PTPRA: variants seen among roughly 807,000 people sequenced by gnomAD.
PTPRA encodes protein tyrosine phosphatase receptor type A.
In PTPRA, 25 loss-of-function variants were observed where a neutral mutation model predicts 104.8. The ratio of observed to expected loss-of-function variants is 0.24; its 90% CI spans 0.17 to 0.33. The LOEUF is 0.33. Among genes scored for constraint, PTPRA ranks in the 10% least tolerant of loss-of-function variants. The pLI is 1.00. For missense variants in PTPRA, 765 were observed against 1,015.3 expected (o/e 0.75, Z 3.35); for synonymous variants, 323 against 368.9 (o/e 0.88, Z 1.43).
chr20:2,887,073 G>A (rs1403241463), intron 1 of PTPRA, among the ~76,000 whole-genome samples: 1 of 151,956 alleles, frequency 6.6e-6, no homozygotes, highest in Non-Finnish European at 1.5e-5. Context: ...GGTTATGATA[G>A]CATTAAAACT....
Position 3,037,238 on chromosome 20 carries a change from C to T in PTPRA, c.2283C>T (p.Phe761=). The T allele has an allele frequency of 6.2e-7, 1 of 1,614,264 alleles. No homozygotes were observed. Among genetic ancestry groups the T allele is most frequent in the Non-Finnish European group, 8.5e-7 (1 of 1,180,044 alleles). Residue 761 remains phenylalanine (F), a synonymous_variant, in exon 23 of 24, where the codon TTC becomes TTT. Coordinates refer to ENST00000399903, the MANE Select transcript of PTPRA (RefSeq NM_001385305.1). This position sits in a 1 kb window ranked among gnomAD's most constrained non-coding sequence, Gnocchi z 4.3. ...AAGCAGAGGGGATTTTGGATGTCTT[C>T]CAGACTGTCAAGAGCCTGCGGCTAC... is the stretch of plus-strand genomic sequence containing the variant. The part of the protein sequence containing the change: ...RVKAEGILDV[F]QTVKSLRLQR...
intron 6 of PTPRA, among the ~76,000 whole-genome samples, chr20:2,981,527 CAG>C (rs1192588482): frequency 1.3e-5 from 2 of 152,154 alleles, no homozygotes; most frequent in Admixed American, 6.5e-5. Context: ...ACCCACATAA[CAG>C]AGAATTGTAT....
chr20:2,979,153 G>A (rs2062566481), intron 6 of PTPRA, among the ~76,000 whole-genome samples: 1 of 152,172 alleles, frequency 6.6e-6, no homozygotes, highest in Admixed American at 6.5e-5. Context: ...AAAACCCCAT[G>A]CCCTGGAAAT....
the PTPRA span, chr20:2,865,118 C>A: frequency 6.2e-7 from 1 of 1,614,132 alleles, no homozygotes; most frequent in Non-Finnish European, 8.5e-7. The surrounding 1 kb of genome is among the most constrained non-coding windows in gnomAD (Gnocchi z 5.2). Flanking sequence ...GTCCCTCATC[C>A]CCATCATGCC....
intron 1 of PTPRA, among the ~76,000 whole-genome samples, chr20:2,909,825 A>G (rs1408696840): frequency 1.6e-5 from 2 of 125,840 alleles, no homozygotes; most frequent in African/African-American, 6.5e-5. Flanking sequence ...GATAATATAT[A>G]TTAGATAATA....
chr20:2,999,299 A>T (rs1359827209), intron 9 of PTPRA, among the ~76,000 whole-genome samples: 2 of 152,190 alleles, frequency 1.3e-5, no homozygotes, highest in African/African-American at 4.8e-5. Flanking sequence ...AGATATATAG[A>T]TTCAATGCAA....
chr20:2,982,095 T>C (rs1001590494), intron 6 of PTPRA, among the ~76,000 whole-genome samples: 9 of 150,010 alleles, frequency 6.0e-5, no homozygotes, highest in African/African-American at 2.2e-4. Flanking sequence ...CTTCTTCTTT[T>C]TTTTTTTTTT....
intron 6 of PTPRA, among the ~76,000 whole-genome samples, chr20:2,977,764 A>AG (rs1054775527): frequency 2.7e-4 from 36 of 133,772 alleles, no homozygotes; most frequent in African/African-American, 1.1e-3. Context: ...CAAGGAGTCC[A>AG]GAAAAAATTT....
At chr20:2,941,655 T>TTG (rs2060925056) in intron 2 of PTPRA, among the ~76,000 whole-genome samples, 1 of 152,286 alleles carries the variant, frequency 6.6e-6, no homozygotes, top group South Asian at 2.1e-4. Context: ...AAAATCACCC[T>TTG]TGTGTGGCCC....
intron 5 of PTPRA, among the ~76,000 whole-genome samples, chr20:2,965,577 T>C (rs891300694): frequency 6.6e-6 from 1 of 151,188 alleles, no homozygotes; most frequent in Non-Finnish European, 1.5e-5. Flanking sequence ...GTGGAGACCA[T>C]GGAAAGGAGA....
intron 2 of PTPRA, among the ~76,000 whole-genome samples, chr20:2,946,916 C>T (rs1568664557): frequency 1.3e-5 from 2 of 151,604 alleles, no homozygotes; most frequent in Non-Finnish European, 1.5e-5. Context: ...TGAAGAGAAG[C>T]CATTTTATCT....
At chr20:2,905,429 A>G (rs1430898034) in intron 1 of PTPRA, among the ~76,000 whole-genome samples, 1 of 152,160 alleles carries the variant, frequency 6.6e-6, no homozygotes, top group Non-Finnish European at 1.5e-5. Context: ...TCACTAGTTG[A>G]ATTTTACACT....
At chr20:2,904,548 G>C (rs2059349752) in intron 1 of PTPRA, among the ~76,000 whole-genome samples, 1 of 151,250 alleles carries the variant, frequency 6.6e-6, no homozygotes, top group Non-Finnish European at 1.5e-5. Context: ...GGATGCCTGC[G>C]GTCCCAGCTA....
intron 9 of PTPRA, among the ~76,000 whole-genome samples, chr20:2,996,099 A>G (rs1416886900): frequency 1.3e-5 from 2 of 152,216 alleles, no homozygotes; most frequent in Non-Finnish European, 2.9e-5. Context: ...AGTAATTGCT[A>G]AATCAGTTAA....
intron 13 of PTPRA, among the ~76,000 whole-genome samples, chr20:3,018,513 A>C (rs1028758744): frequency 1.3e-4 from 20 of 151,892 alleles, no homozygotes; most frequent in Admixed American, 3.9e-4. Flanking sequence ...TGGATACAGC[A>C]CATGTTTCAG....
chr20:2,979,675 T>C (rs1302826461), intron 6 of PTPRA, among the ~76,000 whole-genome samples: 3 of 151,124 alleles, frequency 2.0e-5, no homozygotes, highest in African/African-American at 7.4e-5. Context: ...TATAGGCATA[T>C]GCCACCATGC....
chr20:2,873,532 G>A lies in PTPRA; in HGVS notation c.-357G>A, dbSNP rs1298547427. On this transcript the variant is annotated 5_prime_UTR_variant, in exon 1 of 24. Coordinates refer to ENST00000399903, the MANE Select transcript of PTPRA (RefSeq NM_001385305.1). This position sits in a 1 kb window ranked among gnomAD's most constrained non-coding sequence, Gnocchi z 4.4. Reference sequence around the variant, plus strand: ...GCGGCGCTGACAGAGACGCGCGCGCGCGCGATCGCGCTCGGACCCCGGCCG... The same window carrying A: ...GCGGCGCTGACAGAGACGCGCGCGCACGCGATCGCGCTCGGACCCCGGCCG... 2 of 151,748 alleles carry A rather than the reference G, an allele frequency of 1.3e-5. No homozygotes were observed. Among genetic ancestry groups the A allele is most frequent in the African/African-American group, 2.4e-5 (1 of 41,410 alleles). The allele number at this position is 151,748 out of a possible 1,614,324, so 9.4% of individuals were successfully genotyped here.
At chr20:2,946,173 G>T (rs2061123491) in intron 2 of PTPRA, among the ~76,000 whole-genome samples, 1 of 152,108 alleles carries the variant, frequency 6.6e-6, no homozygotes, top group Non-Finnish European at 1.5e-5. Context: ...GCAGTTACCA[G>T]TGTGAAGACT....
Position 3,017,904 on chromosome 20 carries a change from G to A in PTPRA, c.1032G>A (p.Glu344=). 2 of 1,613,970 alleles carry A rather than the reference G, an allele frequency of 1.2e-6. No individual in the cohort carries two copies. Among genetic ancestry groups the A allele is most frequent in the Non-Finnish European group, 1.7e-6 (2 of 1,179,822 alleles). The change falls in exon 13 of 24, where the codon GAG becomes GAA. Residue 344 remains glutamate (E), a synonymous_variant. Transcript: ENST00000399903. ...ATIVMVTNLK[E]RKECKCAQYW... ...TCGTCATGGTTACCAACCTGAAGGA[G>A]AGAAAGGAGGTAAGTGGAAAAATTG...
Sources: gnomAD v4.1 joint callset for allele counts (sites outside exome capture counted in the v4.1 genomes callset) on GRCh38, gnomAD v4.1.1 for gene constraint, Gnocchi (gnomAD v3.1) non-coding constraint, MANE v1.5 for transcripts, NCBI Gene and HGNC (gene_info 2026-07-23, HGNC 2026-07-21) for gene names.